KCTD3: variants seen among roughly 807,000 people sequenced by gnomAD.
KCTD3 encodes the protein BTB/POZ domain-containing protein KCTD3.
In KCTD3, 41 loss-of-function variants were observed where a neutral mutation model predicts 85.8. That is an observed-to-expected ratio of 0.48 (90% confidence interval 0.37 to 0.62). The LOEUF is 0.62. Among genes scored for constraint, KCTD3 ranks in the 20% least tolerant of loss-of-function variants. The pLI, the probability that KCTD3 is intolerant of heterozygous loss-of-function variation, is 0.00. For synonymous variants in KCTD3, 338 were observed against 345.4 expected, an observed-to-expected ratio of 0.98 and a Z score of 0.24; for missense variants, 724 against 989.9, an observed-to-expected ratio of 0.73 and a Z score of 3.60.
At chr1:215,603,165 T>A (rs1260313286) in intron 12 of KCTD3, among the ~76,000 whole-genome samples, 2 of 152,132 alleles carry the variant, frequency 1.3e-5, no homozygotes, top group African/African-American at 4.8e-5. Flanking sequence ...TTTTTAAATC[T>A]AGTTAAAAGG....
At chr1:215,613,082 A>G (rs765316986) in intron 15 of KCTD3, among the ~76,000 whole-genome samples, 8 of 152,154 alleles carry the variant, frequency 5.3e-5, no homozygotes, top group Non-Finnish European at 1.0e-4. Flanking sequence ...GCAAACCACT[A>G]TGGCACATGT....
chr1:215,611,208 GA>G (rs1269574825), intron 14 of KCTD3, among the ~76,000 whole-genome samples: 3 of 151,796 alleles, frequency 2.0e-5, no homozygotes, highest in Non-Finnish European at 4.4e-5. Flanking sequence ...CTTTTAGATT[GA>G]AAAGCTTCAG....
chr1:215,578,194 A>G (rs1659662484), intron 6 of KCTD3, 113 bp downstream of exon 6: 2 of 825,808 alleles, frequency 2.4e-6, no homozygotes, highest in South Asian at 2.1e-5. Context: ...CTATAAATCT[A>G]TTAGAAATGG....
intron 3 of KCTD3, among the ~76,000 whole-genome samples, chr1:215,575,680 A>C (rs1034674231): frequency 1.3e-5 from 2 of 152,204 alleles, no homozygotes; most frequent in Non-Finnish European, 2.9e-5. Flanking sequence ...TTTAATAATA[A>C]CTATTCAGAG....
At chr1:215,573,749 G>A in intron 1 of KCTD3, 37 bp from the exon 2 acceptor site, 1 of 1,262,382 alleles carries the variant, frequency 7.9e-7, no homozygotes. Flanking sequence ...TTCAAATCAT[G>A]TTCTCACTTA....
chr1:215,604,274 C>A lies in KCTD3; in HGVS notation c.1281C>A (p.Ile427=). Residue 427 remains isoleucine (I), a synonymous_variant, in exon 13 of 18, where the codon ATC becomes ATA. Transcript: ENST00000259154. ...FTVHRSPVTK[I]MLSEKHLVSV... ...TTCACCGAAGTCCCGTAACAAAAAT[C>A]ATGCTATCAGAGAAGCATCTTGTAT... 6.2e-7 allele frequency: 1 copy of A among 1,613,814 alleles called. No homozygotes were observed. Among genetic ancestry groups the A allele is most frequent in the Non-Finnish European group, 8.5e-7 (1 of 1,179,792 alleles).
intron 10 of KCTD3, among the ~76,000 whole-genome samples, 163 bp downstream of exon 10, chr1:215,595,634 T>C (rs1280846950): frequency 3.3e-5 from 5 of 152,356 alleles, no homozygotes; most frequent in Admixed American, 3.3e-4. Flanking sequence ...TTTGAGCATA[T>C]TTTCAAGAGT....
At chr1:215,599,145 C>T (rs905111188) in intron 10 of KCTD3, among the ~76,000 whole-genome samples, 1 of 152,112 alleles carries the variant, frequency 6.6e-6, no homozygotes, top group Non-Finnish European at 1.5e-5. Context: ...CCTAGGTTTT[C>T]ATACACAGCA....
chr1:215,589,170 C>G (rs909063987), intron 9 of KCTD3, among the ~76,000 whole-genome samples: 3 of 151,780 alleles, frequency 2.0e-5, no homozygotes, highest in Non-Finnish European at 2.9e-5. Context: ...GGGTCTTGCT[C>G]TGTCACACAG....
chr1:215,617,872 A>G (rs1187240625), intron 15 of KCTD3, among the ~76,000 whole-genome samples: 3 of 148,034 alleles, frequency 2.0e-5, no homozygotes, highest in Non-Finnish European at 4.5e-5. Flanking sequence ...TATTAAATAT[A>G]TATAATATAT....
intron 8 of KCTD3, chr1:215,581,287 A>G (rs1264708712): frequency 6.6e-6 from 1 of 152,252 alleles, no homozygotes; most frequent in African/African-American, 2.4e-5. Context: ...TGTTTTGTGG[A>G]TTTGTAATTT....
intron 1 of KCTD3, among the ~76,000 whole-genome samples, chr1:215,568,429 C>T (rs1323338032): frequency 6.7e-6 from 1 of 148,818 alleles, no homozygotes; most frequent in African/African-American, 2.5e-5. Context: ...CGGTGTGACG[C>T]CCTTGGAGTA....
chr1:215,610,307 G>C (rs1655179211), intron 14 of KCTD3, among the ~76,000 whole-genome samples: 1 of 151,786 alleles, frequency 6.6e-6, no homozygotes, highest in African/African-American at 2.4e-5. Flanking sequence ...TAGCCAAAAG[G>C]CCAAGAAGCG....
chr1:215,591,749 C>T (rs1270400576), intron 9 of KCTD3, among the ~76,000 whole-genome samples: 5 of 152,182 alleles, frequency 3.3e-5, no homozygotes, highest in African/African-American at 9.7e-5. Context: ...TTTTATGCCA[C>T]CCCTCTGGCA....
intron 10 of KCTD3, 57 bp from the exon 11 acceptor site, chr1:215,601,810 C>A: frequency 9.6e-7 from 1 of 1,044,990 alleles, no homozygotes; most frequent in Non-Finnish European, 1.4e-6. Flanking sequence ...GGAAATTGAC[C>A]AGAAAATAGA....
intron 13 of KCTD3, among the ~76,000 whole-genome samples, chr1:215,604,748 G>A (rs1392667119): frequency 6.9e-6 from 1 of 145,734 alleles, no homozygotes; most frequent in Non-Finnish European, 1.5e-5. Context: ...AATTTTTCAA[G>A]TTTTACTTTT....
intron 1 of KCTD3, among the ~76,000 whole-genome samples, chr1:215,569,309 CG>C (rs2102548655): frequency 6.6e-6 from 1 of 151,708 alleles, no homozygotes; most frequent in Admixed American, 6.6e-5. Context: ...TTAGTAGAGA[CG>C]AGGTTTAACT....
At chr1:215,574,508 C>T (rs1659496928) in intron 3 of KCTD3, among the ~76,000 whole-genome samples, 1 of 152,056 alleles carries the variant, frequency 6.6e-6, no homozygotes, top group South Asian at 2.1e-4. Flanking sequence ...GGAGAATAAC[C>T]TTGCGAATTT....
At chr1:215,579,531 C>T (rs1407014389) in intron 7 of KCTD3, among the ~76,000 whole-genome samples, 1 of 150,812 alleles carries the variant, frequency 6.6e-6, no homozygotes, top group East Asian at 1.9e-4. Flanking sequence ...CGGAGTCTCG[C>T]TCTGTCGCTC....
Sources: allele counts gnomAD v4.1 joint callset (sites outside exome capture counted in the v4.1 genomes callset), GRCh38; gene constraint gnomAD v4.1.1; transcripts MANE v1.5; gene names NCBI Gene and HGNC (gene_info 2026-07-23, HGNC 2026-07-21).